SORBS2: variants seen among roughly 807,000 people sequenced by gnomAD.
SORBS2 encodes the protein sorbin and SH3 domain-containing protein 2.
Under a neutral mutation model 97.7 loss-of-function variants are expected in SORBS2, and 46 were observed. That is an observed-to-expected ratio of 0.47 (90% CI 0.37 to 0.60). The LOEUF (loss-of-function observed/expected upper bound fraction) is 0.60, where lower values mean the gene tolerates loss of function less well. Ranked by LOEUF, SORBS2 falls within the 20% of genes least tolerant of loss-of-function variation. The pLI is 0.00. For missense variants in SORBS2, 1,316 were observed against 1,282.3 expected, an observed-to-expected ratio of 1.03 and a Z score of -0.40; for synonymous variants, 476 against 473.4, an observed-to-expected ratio of 1.01 and a Z score of -0.07.
At chr4:185,701,356 T>C (rs753907505) in intron 2 of SORBS2, among the ~76,000 whole-genome samples, 2 of 152,220 alleles carry the variant, frequency 1.3e-5, no homozygotes, top group Non-Finnish European at 2.9e-5. Context: ...CTTGTTCGCA[T>C]CGACTCTACC....
In SORBS2 at chr4:185,751,190, A is replaced by AAAAAAAAAAAAAAAAAAAAAGAG; in HGVS notation, c.-198+24036_-198+24037insCTCTTTTTTTTTTTTTTTTTTTT. ...TAAATACTAAAAAAAAAAAAAAAAA[A>AAAAAAAAAAAAAAAAAAAAAGAG]AGAGAAAGAGAGAGAAATTCAGGAA... On this transcript the variant is annotated intron_variant, in intron 2 of 20. Coordinates refer to the SORBS2 transcript ENST00000284776. Among the ~76,000 whole-genome samples the AAAAAAAAAAAAAAAAAAAAAGAG allele has an allele frequency of 5.9e-4, 51 of 86,466 alleles. 3 individuals carry two copies. The highest frequency in any genetic ancestry group is 8.8e-4 in the Non-Finnish European group (35 of 39,678). 56.7% of individuals were successfully genotyped at this position (86,466 alleles called of 152,430 possible).
At chr4:185,640,715 C>A (rs1369200326) in intron 4 of SORBS2, among the ~76,000 whole-genome samples, 1 of 152,094 alleles carries the variant, frequency 6.6e-6, no homozygotes, top group Non-Finnish European at 1.5e-5. Flanking sequence ...TTATTTAGAT[C>A]ATTATAGATG....
intron 12 of SORBS2, among the ~76,000 whole-genome samples, chr4:185,605,845 G>T (rs570196985): frequency 6.6e-6 from 1 of 152,182 alleles, no homozygotes; most frequent in East Asian, 1.9e-4. Flanking sequence ...TCGGCCTCTG[G>T]AAGTGCTGGC....
At chr4:185,598,036 A>T (rs2096156625) in intron 12 of SORBS2, among the ~76,000 whole-genome samples, 1 of 152,162 alleles carries the variant, frequency 6.6e-6, no homozygotes, top group Admixed American at 6.5e-5. Flanking sequence ...CTGTGCAGGC[A>T]TTTCCATTTC....
chr4:185,862,623 C>CCA (rs147193553), intron 1 of SORBS2, among the ~76,000 whole-genome samples: 2 of 152,356 alleles, frequency 1.3e-5, no homozygotes, highest in East Asian at 3.9e-4. Flanking sequence ...CTGAAGGCAG[C>CCA]CACTGCCTGT....
At chr4:185,831,757 T>C (rs1349955017) in intron 1 of SORBS2, among the ~76,000 whole-genome samples, 1 of 152,200 alleles carries the variant, frequency 6.6e-6, no homozygotes, top group Non-Finnish European at 1.5e-5. Flanking sequence ...ACTCCTAAAG[T>C]TCTATTCTTT....
At chr4:185,889,651 A>G (rs897239947) in intron 1 of SORBS2, among the ~76,000 whole-genome samples, 9 of 151,818 alleles carry the variant, frequency 5.9e-5, no homozygotes, top group Non-Finnish European at 8.8e-5. Flanking sequence ...CCAAGTGTTC[A>G]TCTTTGCTTT....
At chr4:185,750,445 C>T (rs12503317) in intron 2 of SORBS2, among the ~76,000 whole-genome samples, 11,396 of 152,180 alleles carry the variant, frequency 0.075, 694 homozygotes, top group East Asian at 0.19. Flanking sequence ...TCACATATTC[C>T]GTAGCATCAT....
At position 185,623,396 on chromosome 4, in the gene SORBS2, T is replaced by C. The variant is rs1019071458; in HGVS notation, c.1733A>G (p.His578Arg). The C allele has an allele frequency of 1.9e-6, 3 of 1,612,314 alleles. No homozygotes were observed. Among genetic ancestry groups the C allele is most frequent in the East Asian group, 2.2e-5 (1 of 44,874 alleles). Residue 578 changes from histidine to arginine, a missense_variant, in exon 7 of 15, where the codon CAC becomes CGC. His to Arg is a conservative substitution (Grantham distance 29). Coordinates refer to ENST00000418609, the Ensembl canonical transcript of SORBS2. This position sits in a 1 kb window ranked among gnomAD's most constrained non-coding sequence, Gnocchi z 6.4. The stretch of plus-strand genomic sequence containing the variant: ...GGTGTTTTCGTGTCTGGCTCTTTCG[T>C]GTTTTAACATTGTGGTAAATCGAGT...
At chr4:185,904,552 G>C (rs1293970343) in intron 1 of SORBS2, among the ~76,000 whole-genome samples, 1 of 152,180 alleles carries the variant, frequency 6.6e-6, no homozygotes, top group South Asian at 2.1e-4. Flanking sequence ...CAGGAAGAAA[G>C]TTCCTCTGAC....
At chr4:185,907,522 A>G (rs2099251714) in intron 1 of SORBS2, among the ~76,000 whole-genome samples, 1 of 152,094 alleles carries the variant, frequency 6.6e-6, no homozygotes, top group Non-Finnish European at 1.5e-5. Flanking sequence ...CTGGATGTTT[A>G]TGTTTAGCTG....
intron 2 of SORBS2, among the ~76,000 whole-genome samples, chr4:185,744,346 A>G (rs1301830616): frequency 1.3e-5 from 2 of 152,158 alleles, no homozygotes; most frequent in Non-Finnish European, 2.9e-5. Context: ...AGGGTCCCCA[A>G]GAGTACTTTG....
chr4:185,589,761 A>C, exon 14 of SORBS2: 1 of 1,608,952 alleles, frequency 6.2e-7, no homozygotes, highest in South Asian at 1.1e-5. Context: ...CATTCCTGGG[A>C]GTATAGTTAT....
In SORBS2 at chr4:185,606,166, G is replaced by A; in HGVS notation, c.2796+5614C>T. ...ATCCTGGAATAGGACAAATTTCTGG[G>A]CATCAACTTCCTCTTCTCTAAAGTG... On this transcript the variant is annotated intron_variant, in intron 12 of 14. Transcript: ENST00000418609. The surrounding 1 kb of genome is among the most constrained non-coding windows in gnomAD (Gnocchi z 4.3). The A allele has an allele frequency of 1.0e-6, 1 of 985,242 alleles. No homozygotes were observed. Among genetic ancestry groups the A allele is most frequent in the Non-Finnish European group, 1.2e-6 (1 of 829,814 alleles). 61.0% of individuals were successfully genotyped at this position (985,242 alleles called of 1,614,324 possible).
chr4:185,741,660 G>A (rs761086330), intron 2 of SORBS2, among the ~76,000 whole-genome samples: 2 of 151,928 alleles, frequency 1.3e-5, no homozygotes, highest in African/African-American at 4.8e-5. Context: ...CACCGCACCC[G>A]GCCTGTCCTC....
chr4:185,821,856 A>G (rs1201389884), intron 1 of SORBS2, among the ~76,000 whole-genome samples: 1 of 152,218 alleles, frequency 6.6e-6, no homozygotes, highest in Non-Finnish European at 1.5e-5. Context: ...GGTCGCTTTT[A>G]TTAGTCGTCA....
intron 1 of SORBS2, among the ~76,000 whole-genome samples, chr4:185,817,515 G>A (rs1469314568): frequency 3.3e-5 from 5 of 152,194 alleles, no homozygotes; most frequent in Admixed American, 6.5e-5. Context: ...CACATTAATA[G>A]AGTGTAGCTC....
intron 2 of SORBS2, among the ~76,000 whole-genome samples, chr4:185,768,147 A>T (rs2098947566): frequency 6.6e-6 from 1 of 152,058 alleles, no homozygotes; most frequent in Non-Finnish European, 1.5e-5. Flanking sequence ...GCAGAGTGTT[A>T]TATCCAGGTG....
intron 1 of SORBS2, among the ~76,000 whole-genome samples, chr4:185,896,980 C>A (rs2099245363): frequency 6.6e-6 from 1 of 151,908 alleles, no homozygotes; most frequent in Admixed American, 6.6e-5. Context: ...ACTGGAAAAG[C>A]TGCAGCATCT....
Sources: allele counts gnomAD v4.1 joint callset (sites outside exome capture counted in the v4.1 genomes callset), GRCh38; gene constraint gnomAD v4.1.1; non-coding constraint Gnocchi (gnomAD v3.1); transcripts MANE v1.5; gene names NCBI Gene and HGNC (gene_info 2026-07-23, HGNC 2026-07-21).